Variants in RBM47 observed in about 807,000 individuals in gnomAD.
RBM47 encodes RNA binding motif protein 47.
In RBM47, 21 loss-of-function variants were observed where a neutral mutation model predicts 47.1. That is an observed-to-expected ratio of 0.45 (90% CI 0.32 to 0.64). The LOEUF (loss-of-function observed/expected upper bound fraction) is 0.64, where lower values mean the gene tolerates loss of function less well. RBM47 is among the 30% of genes least tolerant of loss of function. RBM47 has a pLI of 0.05. For missense variants in RBM47, 708 were observed against 870.9 expected (o/e 0.81, Z 2.35); for synonymous variants, 375 against 361.7 (o/e 1.04, Z -0.42).
At chr4:40,527,209 A>C (rs1373506254) in intron 2 of RBM47, among the ~76,000 whole-genome samples, 1 of 149,710 alleles carries the variant, frequency 6.7e-6, no homozygotes, top group Non-Finnish European at 1.5e-5. Context: ...TGCAACCTCC[A>C]CCTCCTGGGT....
At chr4:40,441,963 C>T (rs1447612475) in intron 3 of RBM47, among the ~76,000 whole-genome samples, 2 of 152,150 alleles carry the variant, frequency 1.3e-5, no homozygotes, top group African/African-American at 4.8e-5. Flanking sequence ...TTTATTTTTA[C>T]TTTGGCCTCT....
At chr4:40,488,406 C>T (rs796106030) in intron 2 of RBM47, among the ~76,000 whole-genome samples, 129 of 152,088 alleles carry the variant, frequency 8.5e-4, no homozygotes, top group African/African-American at 2.9e-3. Context: ...CTTTTCAGTG[C>T]GCACCATTTT....
intron 6 of RBM47, among the ~76,000 whole-genome samples, chr4:40,431,464 C>A (rs1426398010): frequency 1.3e-5 from 2 of 152,206 alleles, no homozygotes; most frequent in African/African-American, 4.8e-5. Flanking sequence ...TGAGACTATC[C>A]TGGCTGACAC....
At chr4:40,605,548 C>T (rs547506159) in intron 1 of RBM47, among the ~76,000 whole-genome samples, 9 of 151,994 alleles carry the variant, frequency 5.9e-5, no homozygotes, top group Admixed American at 2.6e-4. Context: ...TACTGGTCTT[C>T]GGCCGGGCAC....
chr4:40,601,300 C>G (rs1479149814), intron 1 of RBM47, among the ~76,000 whole-genome samples: 2 of 152,150 alleles, frequency 1.3e-5, no homozygotes, highest in African/African-American at 2.4e-5. Context: ...AAATGAGTGC[C>G]TGGCCCAAGG....
In RBM47 at chr4:40,438,081, G is replaced by A. The variant is rs1453952022; in HGVS notation, c.813C>T (p.Pro271=). 5 of 1,613,766 alleles carry A rather than the reference G, an allele frequency of 3.1e-6. No individual in the cohort carries two copies. The highest frequency in any genetic ancestry group is 2.7e-5 in the African/African-American group (2 of 74,938). Residue 271 remains proline, a synonymous_variant, in exon 4 of 7, where the codon CCC becomes CCT. Transcript: ENST00000295971. ...TIKKSFGQFN[P]GCVERVKKIR... is the part of the protein sequence containing the mutation. ...TCTTCTTGACGCGCTCCACGCAGCC[G>A]GGGTTGAACTGGCCGAAGCTCTTCT...
At chr4:40,522,308 C>T (rs954262692) in intron 2 of RBM47, among the ~76,000 whole-genome samples, 22 of 152,118 alleles carry the variant, frequency 1.4e-4, no homozygotes, top group African/African-American at 5.3e-4. Flanking sequence ...AGTTCGAGAC[C>T]AGCCTTTCCA....
At position 40,433,315 on chromosome 4, in the gene RBM47, T is replaced by C. The variant is rs540119705; in HGVS notation, c.1331-453A>G. ...GTCCTGGGCCTCTCCATGCTCACTATTGTTCTCTCAGTACAAGCCATGTAC... is the reference window on the plus strand; with the variant it reads ...GTCCTGGGCCTCTCCATGCTCACTACTGTTCTCTCAGTACAAGCCATGTAC... On this transcript the variant is annotated intron_variant, in intron 5 of 6. Coordinates refer to ENST00000295971, the MANE Select transcript of RBM47 (RefSeq NM_001098634.2). 6.6e-5 allele frequency among the ~76,000 whole-genome samples: 10 copies of C among 152,272 alleles called. No homozygotes were observed. The South Asian group carries it at 2.1e-3, about 32-fold the overall frequency.
intron 1 of RBM47, among the ~76,000 whole-genome samples, chr4:40,578,437 C>G (rs982838625): frequency 6.6e-6 from 1 of 152,172 alleles, no homozygotes; most frequent in Non-Finnish European, 1.5e-5. Flanking sequence ...CAATTGAGAA[C>G]TTTAAACTAA....
At chr4:40,594,906 G>A (rs945119344) in intron 1 of RBM47, among the ~76,000 whole-genome samples, 2 of 152,136 alleles carry the variant, frequency 1.3e-5, no homozygotes, top group African/African-American at 4.8e-5. Flanking sequence ...AGCACCTCGA[G>A]GTTGAAGACT....
At chr4:40,551,029 C>T (rs1729513313) in intron 1 of RBM47, among the ~76,000 whole-genome samples, 1 of 152,074 alleles carries the variant, frequency 6.6e-6, no homozygotes, top group African/African-American at 2.4e-5. Context: ...AACAAGCTGC[C>T]CTCTTGTGGT....
At chr4:40,532,515 G>C (rs182522187) in intron 2 of RBM47, among the ~76,000 whole-genome samples, 6 of 150,794 alleles carry the variant, frequency 4.0e-5, no homozygotes, top group African/African-American at 1.5e-4. Flanking sequence ...GTTTCACCAT[G>C]TTGGCCAGGA....
intron 1 of RBM47, among the ~76,000 whole-genome samples, chr4:40,548,210 G>A (rs1338999469): frequency 3.3e-5 from 5 of 152,186 alleles, no homozygotes; most frequent in South Asian, 2.1e-4. Context: ...CAGTTTACCC[G>A]GCAGACACAT....
chr4:40,561,126 G>A (rs1271465154), intron 1 of RBM47, among the ~76,000 whole-genome samples: 1 of 151,770 alleles, frequency 6.6e-6, no homozygotes, highest in Non-Finnish European at 1.5e-5. Context: ...CCCACTTTCA[G>A]TAAAGAAGAC....
At chr4:40,620,304 G>C (rs529681568) in intron 1 of RBM47, among the ~76,000 whole-genome samples, 9 of 151,388 alleles carry the variant, frequency 5.9e-5, no homozygotes, top group Non-Finnish European at 1.3e-4. Context: ...TCAGGAGTTC[G>C]AGACCAGCCT....
At chr4:40,606,016 G>A (rs57801334) in intron 1 of RBM47, among the ~76,000 whole-genome samples, 6,227 of 150,476 alleles carry the variant, frequency 0.041, 274 homozygotes, top group East Asian at 0.14. Flanking sequence ...TGGCCACCAC[G>A]GTGAAAGCCT....
At chr4:40,573,028 CT>C (rs1265807567) in intron 1 of RBM47, among the ~76,000 whole-genome samples, 1 of 151,062 alleles carries the variant, frequency 6.6e-6, no homozygotes, top group Non-Finnish European at 1.5e-5. Flanking sequence ...TGGTAGGTGC[CT>C]GTAATCCCAG....
intron 6 of RBM47, among the ~76,000 whole-genome samples, chr4:40,431,668 AAAAAG>A (rs1474704864): frequency 1.3e-3 from 125 of 96,408 alleles, no homozygotes; most frequent in Admixed American, 3.9e-3. Context: ...AAAAAAAAAA[AAAAAG>A]AGAGAGAAAA....
chr4:40,437,834 G>A lies in RBM47; in HGVS notation c.1060C>T (p.Leu354=). The change falls in exon 4 of 7, where the codon CTG becomes TTG. Residue 354 remains leucine (L), a synonymous_variant. Coordinates refer to ENST00000295971, the MANE Select transcript of RBM47 (RefSeq NM_001098634.2). The part of the protein sequence containing the change: ...SYVYSCDPYT[L]AYYGYPYNAL... ...TTGTAGGGGTAGCCGTAGTAGGCCAGTGTGTAGGGGTCGCAGGAGTACACG... is the reference window on the plus strand; with the variant it reads ...TTGTAGGGGTAGCCGTAGTAGGCCAATGTGTAGGGGTCGCAGGAGTACACG... 4 of 1,614,054 alleles carry A rather than the reference G, an allele frequency of 2.5e-6. No homozygotes were observed. Among genetic ancestry groups the A allele is most frequent in the Non-Finnish European group, 3.4e-6 (4 of 1,179,926 alleles).
Sources: gnomAD v4.1 joint callset for allele counts (sites outside exome capture counted in the v4.1 genomes callset) on GRCh38, gnomAD v4.1.1 for gene constraint, MANE v1.5 for transcripts, NCBI Gene and HGNC (gene_info 2026-07-23, HGNC 2026-07-21) for gene names.